The following PTPRD variants were observed in gnomAD, a reference collection of about 807,000 sequenced individuals.
PTPRD encodes receptor-type tyrosine-protein phosphatase delta.
Under a neutral mutation model 214.5 loss-of-function variants are expected in PTPRD, and 34 were observed. That is an observed-to-expected ratio of 0.16 (90% CI 0.12 to 0.21). The LOEUF (loss-of-function observed/expected upper bound fraction) is 0.21, where lower values mean the gene tolerates loss of function less well. Among genes scored for constraint, PTPRD ranks in the 10% least tolerant of loss-of-function variants. The pLI is 1.00. For missense variants in PTPRD, 2,545 were observed against 2,398.7 expected, an observed-to-expected ratio of 1.06 and a Z score of -1.27; for synonymous variants, 1,128 against 845.7, an observed-to-expected ratio of 1.33 and a Z score of -5.79.
intron 5 of PTPRD, among the ~76,000 whole-genome samples, chr9:9,829,795 C>T (rs2054205267): frequency 1.3e-5 from 2 of 151,728 alleles, no homozygotes; most frequent in African/African-American, 4.8e-5. Context: ...TAGAAACCTA[C>T]ATTATCATTA....
intron 2 of PTPRD, among the ~76,000 whole-genome samples, chr9:10,568,198 T>C (rs941083204): frequency 2.0e-5 from 3 of 148,154 alleles, no homozygotes; most frequent in African/African-American, 7.4e-5. Context: ...TTCCCACCTA[T>C]GAGTGAGAAC....
At chr9:8,724,574 G>A (rs1425871615) in intron 12 of PTPRD, among the ~76,000 whole-genome samples, 1 of 152,118 alleles carries the variant, frequency 6.6e-6, no homozygotes, top group African/African-American at 2.4e-5. Context: ...AGTGATTCCT[G>A]CAGTTCATAG....
At chr9:10,293,921 T>C (rs2095602221) in intron 3 of PTPRD, among the ~76,000 whole-genome samples, 1 of 151,934 alleles carries the variant, frequency 6.6e-6, no homozygotes, top group Non-Finnish European at 1.5e-5. Flanking sequence ...TTTTCTGCAT[T>C]TCTTACTGTG....
chr9:10,147,080 A>C (rs1268769454), intron 3 of PTPRD, among the ~76,000 whole-genome samples: 1 of 152,162 alleles, frequency 6.6e-6, no homozygotes, highest in East Asian at 1.9e-4. Context: ...ATAAAGGAGC[A>C]AACTAAACCA....
At chr9:9,802,807 T>C (rs2099049915) in intron 5 of PTPRD, among the ~76,000 whole-genome samples, 1 of 151,788 alleles carries the variant, frequency 6.6e-6, no homozygotes, top group Non-Finnish European at 1.5e-5. Flanking sequence ...TCCCCCTCCC[T>C]CAGAAAAAAA....
At chr9:8,821,985 C>G (rs530514275) in intron 11 of PTPRD, among the ~76,000 whole-genome samples, 1 of 152,114 alleles carries the variant, frequency 6.6e-6, no homozygotes, top group Admixed American at 6.5e-5. Context: ...TTTAACAAGG[C>G]AAAAGTCTTT....
chr9:9,848,054 T>A (rs915807722), intron 5 of PTPRD, among the ~76,000 whole-genome samples: 1 of 152,060 alleles, frequency 6.6e-6, no homozygotes, highest in South Asian at 2.1e-4. Flanking sequence ...TGTGAATAAG[T>A]CAGATGAGCT....
intron 7 of PTPRD, among the ~76,000 whole-genome samples, chr9:9,595,839 G>A (rs1366925342): frequency 6.6e-6 from 1 of 151,848 alleles, no homozygotes; most frequent in Non-Finnish European, 1.5e-5. Flanking sequence ...CAAGCTGGGT[G>A]TAGTGTATAC....
chr9:9,348,361 T>C (rs1396647465), intron 9 of PTPRD, among the ~76,000 whole-genome samples: 1 of 152,136 alleles, frequency 6.6e-6, no homozygotes, highest in African/African-American at 2.4e-5. Context: ...CCTCCAACAT[T>C]TATTTTCAAT....
At chr9:9,435,643 T>G (rs2084943161) in intron 8 of PTPRD, among the ~76,000 whole-genome samples, 1 of 152,174 alleles carries the variant, frequency 6.6e-6, no homozygotes, top group African/African-American at 2.4e-5. Context: ...AGCAAGCACA[T>G]GTAAGTAAAA....
intron 9 of PTPRD, among the ~76,000 whole-genome samples, chr9:9,244,006 A>T (rs2099971689): frequency 6.6e-6 from 1 of 152,184 alleles, no homozygotes; most frequent in South Asian, 2.1e-4. Context: ...ACAGACAGAG[A>T]GCCAAATCAT....
intron 10 of PTPRD, among the ~76,000 whole-genome samples, chr9:9,035,587 T>C (rs1330442918): frequency 6.7e-6 from 1 of 148,498 alleles, no homozygotes; most frequent in Non-Finnish European, 1.5e-5. Flanking sequence ...CTCCTCTGGA[T>C]ACACCCAGTT....
intron 14 of PTPRD, among the ~76,000 whole-genome samples, chr9:8,556,190 T>G (rs34792804): frequency 0.05 from 7,650 of 152,298 alleles, 269 homozygotes; most frequent in South Asian, 0.082. Flanking sequence ...TTCAATGAAA[T>G]GCAGATTAAA....
intron 9 of PTPRD, among the ~76,000 whole-genome samples, chr9:9,354,391 T>C (rs1370736864): frequency 6.6e-6 from 1 of 151,878 alleles, no homozygotes; most frequent in Non-Finnish European, 1.5e-5. Context: ...TTTGCAGCTT[T>C]TATACTTCTT....
chr9:10,026,069 C>A (rs908820796), intron 4 of PTPRD, among the ~76,000 whole-genome samples: 1 of 152,140 alleles, frequency 6.6e-6, no homozygotes, highest in African/African-American at 2.4e-5. Context: ...ATGTCTCTTG[C>A]AATTGATGGT....
At chr9:10,397,357 C>T (rs933971109) in intron 2 of PTPRD, among the ~76,000 whole-genome samples, 1 of 151,972 alleles carries the variant, frequency 6.6e-6, no homozygotes, top group African/African-American at 2.4e-5. Flanking sequence ...CAGCAAGTAA[C>T]TAGGTCATGA....
intron 9 of PTPRD, among the ~76,000 whole-genome samples, chr9:9,302,555 T>C (rs201318241): frequency 6.6e-6 from 1 of 151,696 alleles, no homozygotes; most frequent in African/African-American, 2.4e-5. Flanking sequence ...TTTTCATTTT[T>C]TGTTCCACTA....
At chr9:10,169,473 C>CAAAAA (rs59335943) in intron 3 of PTPRD, among the ~76,000 whole-genome samples, 742 of 66,700 alleles carry the variant, frequency 0.011, 26 homozygotes, top group Non-Finnish European at 0.016. Flanking sequence ...GACTCTGTCT[C>CAAAAA]AAAAAAAAAA....
chr9:8,826,113 GT>G (rs2097170053), intron 11 of PTPRD, among the ~76,000 whole-genome samples: 1 of 152,020 alleles, frequency 6.6e-6, no homozygotes, highest in Admixed American at 6.6e-5. Context: ...ATAAAGGCCT[GT>G]ATCTGTCCTC....
Sources: allele counts gnomAD v4.1 joint callset (sites outside exome capture counted in the v4.1 genomes callset), GRCh38; gene constraint gnomAD v4.1.1; transcripts MANE v1.5; gene names NCBI Gene and HGNC (gene_info 2026-07-23, HGNC 2026-07-21).